Variants in DAB1 observed in about 807,000 individuals in gnomAD.
DAB1 encodes DAB adaptor protein 1.
In DAB1, 15 loss-of-function variants were observed where a neutral mutation model predicts 64.6. The observed-to-expected ratio is 0.23, with a 90% CI of 0.16 to 0.36. The LOEUF (loss-of-function observed/expected upper bound fraction) is 0.36, where lower values mean the gene tolerates loss of function less well. DAB1 is among the 10% of genes least tolerant of loss of function. The pLI is 1.00. For synonymous variants in DAB1, 235 were observed against 251.9 expected (o/e 0.93, Z 0.64); for missense variants, 596 against 706.7 (o/e 0.84, Z 1.78).
chr1:57,919,880 C>T (rs1644783838), intron 5 of DAB1, among the ~76,000 whole-genome samples: 1 of 152,132 alleles, frequency 6.6e-6, no homozygotes. Context: ...CGTGTGTGTA[C>T]TTGGATTTAT....
At chr1:58,252,368 T>G (rs1355541458) in intron 4 of DAB1, among the ~76,000 whole-genome samples, 1 of 152,188 alleles carries the variant, frequency 6.6e-6, no homozygotes, top group Non-Finnish European at 1.5e-5. Context: ...TTCATTTTGT[T>G]TAGGTCTTTT....
At chr1:57,086,842 G>A (rs548236578) in intron 4 of DAB1, among the ~76,000 whole-genome samples, 11 of 152,266 alleles carry the variant, frequency 7.2e-5, no homozygotes, top group South Asian at 4.1e-4. Flanking sequence ...AACACCTGAC[G>A]GTGAAATTGA....
At chr1:58,424,661 CAAG>C (rs1354691654) in intron 3 of DAB1, among the ~76,000 whole-genome samples, 2 of 152,188 alleles carry the variant, frequency 1.3e-5, no homozygotes, top group South Asian at 2.1e-4. Flanking sequence ...AGACTGGAGA[CAAG>C]GAGACCAGTT....
chr1:58,357,479 T>C lies in DAB1; in HGVS notation n.258-14076A>G, dbSNP rs144210141. Among the ~76,000 whole-genome samples, 5 of 152,318 alleles carry C rather than the reference T, an allele frequency of 3.3e-5. No homozygotes were observed. In the East Asian group the frequency reaches 9.6e-4, roughly 29 times the overall value. The stretch of plus-strand genomic sequence containing the variant: ...GTCATATAAGATTTGATATGACCTG[T>C]TAACTTCCAAAAGAGAAAGTCCAAT... On this transcript the variant is annotated intron_variant and non_coding_transcript_variant, in intron 3 of 20. Coordinates refer to the DAB1 transcript ENST00000485760.
At chr1:57,045,772 G>A (rs939225059) in intron 9 of DAB1, among the ~76,000 whole-genome samples, 1 of 152,024 alleles carries the variant, frequency 6.6e-6, no homozygotes, top group Non-Finnish European at 1.5e-5. Flanking sequence ...ATGTAATGGT[G>A]AAAAAAAGGA....
At chr1:57,900,524 G>C (rs1644458286) in intron 5 of DAB1, among the ~76,000 whole-genome samples, 1 of 152,204 alleles carries the variant, frequency 6.6e-6, no homozygotes, top group Non-Finnish European at 1.5e-5. Flanking sequence ...CTAGCTCAAG[G>C]CTAGGCTACC....
intron 4 of DAB1, among the ~76,000 whole-genome samples, chr1:58,300,615 AG>A (rs1557726088): frequency 2.1e-3 from 83 of 39,030 alleles, no homozygotes; most frequent in East Asian, 8.5e-3. Context: ...AAAGAAAGAG[AG>A]AGAGAGAGAG....
chr1:57,219,322 A>G (rs1406871774), intron 2 of DAB1, among the ~76,000 whole-genome samples: 1 of 152,072 alleles, frequency 6.6e-6, no homozygotes, highest in Admixed American at 6.6e-5. Flanking sequence ...AAAATCTCAG[A>G]ATAAAAGATA....
intron 4 of DAB1, among the ~76,000 whole-genome samples, chr1:57,107,348 C>G (rs962506224): frequency 6.7e-6 from 1 of 148,916 alleles, no homozygotes; most frequent in African/African-American, 2.5e-5. Flanking sequence ...GCACTCCAGC[C>G]TGGGTGACAG....
chr1:57,629,976 T>C (rs1049856073), intron 7 of DAB1, among the ~76,000 whole-genome samples: 1 of 152,150 alleles, frequency 6.6e-6, no homozygotes, highest in African/African-American at 2.4e-5. Flanking sequence ...GTTTACTTTG[T>C]GCTTATTAAA....
chr1:58,443,111 AG>A (rs1351789515), intron 3 of DAB1, among the ~76,000 whole-genome samples: 9 of 152,204 alleles, frequency 5.9e-5, no homozygotes, highest in African/African-American at 2.2e-4. Flanking sequence ...AGGTGCATCC[AG>A]CCCCTGCCAC....
intron 6 of DAB1, among the ~76,000 whole-genome samples, chr1:57,786,108 A>G (rs1403503947): frequency 2.6e-5 from 4 of 152,208 alleles, no homozygotes; most frequent in African/African-American, 9.6e-5. Flanking sequence ...TCTGATGAAC[A>G]TTCACGGTTT....
At chr1:57,553,410 G>GAAAAAGAAAGAAAGAAAGAA (rs879761183) in intron 7 of DAB1, among the ~76,000 whole-genome samples, 14 of 85,698 alleles carry the variant, frequency 1.6e-4, no homozygotes, top group South Asian at 5.3e-4. Flanking sequence ...AAGAAAGAAA[G>GAAAAAGAAAGAAAGAAAGAA]AAAGAAAGAA....
chr1:58,140,318 T>G (rs2100713470), intron 5 of DAB1, among the ~76,000 whole-genome samples: 1 of 152,312 alleles, frequency 6.6e-6, no homozygotes, highest in Middle Eastern at 3.4e-3. Flanking sequence ...GTGCTACATT[T>G]AGCAGAACTT....
intron 7 of DAB1, among the ~76,000 whole-genome samples, chr1:57,605,632 G>C (rs1488279849): frequency 6.6e-6 from 1 of 152,074 alleles, no homozygotes; most frequent in Admixed American, 6.6e-5. Context: ...TCCCTTCCAT[G>C]TTGCCTAGAT....
At position 58,055,879 on chromosome 1, in the gene DAB1, C is replaced by T. The variant is rs568378196; in HGVS notation, n.387+94632G>A. ...GAAACACAGGCATGTGCCATCACAC[C>T]GAGTTATTATTATTATTATTATTAT... On this transcript the variant is annotated intron_variant and non_coding_transcript_variant, in intron 5 of 20. Transcript: ENST00000485760. Among the ~76,000 whole-genome samples the T allele has an allele frequency of 1.5e-4, 18 of 120,776 alleles. No individual in the cohort carries two copies. In the South Asian group the frequency reaches 4.4e-3, roughly 30 times the overall value. 79.2% of individuals were successfully genotyped at this position (120,776 alleles called of 152,430 possible). A position where few individuals can be genotyped will look rare whatever the true frequency, so the allele number is the denominator to read the frequency against.
At chr1:58,391,766 C>G (rs78532177) in intron 3 of DAB1, among the ~76,000 whole-genome samples, 1,783 of 152,318 alleles carry the variant, frequency 0.012, 34 homozygotes, top group African/African-American at 0.041. Context: ...TGCACCCACT[C>G]TTAGTGTCGT....
chr1:57,878,318 T>A lies in DAB1; in HGVS notation n.87+5681A>T, dbSNP rs189371573. On this transcript the variant is annotated intron_variant and non_coding_transcript_variant, in intron 1 of 1. Transcript: ENST00000477280. ...TTAGGATCGAATACCATAAGAGGAA[T>A]TCTGGACTGAAGAGTTATGAAGTCA... 17 of 152,314 alleles carry A rather than the reference T, an allele frequency of 1.1e-4. 1 individual carries two copies. Among genetic ancestry groups the A allele is most frequent in the Admixed American group, 1.0e-3 (16 of 15,300 alleles). 9.4% of individuals were successfully genotyped at this position (152,314 alleles called of 1,614,324 possible). A position where few individuals can be genotyped will look rare whatever the true frequency, so the allele number is the denominator to read the frequency against.
chr1:57,987,400 GT>G (rs1646245558), intron 5 of DAB1, among the ~76,000 whole-genome samples: 2 of 152,144 alleles, frequency 1.3e-5, no homozygotes, highest in South Asian at 4.1e-4. Context: ...TGTTATGAAG[GT>G]AGTATTGGTT....
Sources: gnomAD v4.1 joint callset for allele counts (sites outside exome capture counted in the v4.1 genomes callset) on GRCh38, gnomAD v4.1.1 for gene constraint, MANE v1.5 for transcripts, NCBI Gene and HGNC (gene_info 2026-07-23, HGNC 2026-07-21) for gene names.